The following TAF2 variants were observed in gnomAD, a reference collection of about 807,000 sequenced individuals.
TAF2 encodes the protein transcription initiation factor TFIID subunit 2.
TAF2 carries 61 observed loss-of-function variants against 138.5 expected under a neutral mutation model. The observed-to-expected ratio is 0.44, with a 90% CI of 0.36 to 0.54. The LOEUF is 0.54. TAF2 is among the 20% of genes least tolerant of loss of function. The pLI is 0.00. For synonymous variants in TAF2, 475 were observed against 469.9 expected (o/e 1.01, Z -0.14); for missense variants, 1,090 against 1,427.9 (o/e 0.76, Z 3.81).
chr8:119,752,991 T>C (rs1343131852), intron 22 of TAF2, among the ~76,000 whole-genome samples: 2 of 152,208 alleles, frequency 1.3e-5, no homozygotes, highest in Non-Finnish European at 2.9e-5. Context: ...TAAATGATGC[T>C]CTAGCTCCTT....
chr8:119,756,768 A>G (rs1428328904), intron 21 of TAF2, among the ~76,000 whole-genome samples: 2 of 152,210 alleles, frequency 1.3e-5, no homozygotes, highest in Non-Finnish European at 2.9e-5. Flanking sequence ...CTACCTGAAC[A>G]TATTATGGAG....
chr8:119,759,306 T>C (rs1218241213), intron 20 of TAF2, among the ~76,000 whole-genome samples: 1 of 152,102 alleles, frequency 6.6e-6, no homozygotes, highest in Non-Finnish European at 1.5e-5. Flanking sequence ...CATTATGCTG[T>C]TATTACCCTT....
At chr8:119,760,338 A>C (rs1275890287) in intron 20 of TAF2, 1 of 345,740 alleles carries the variant, frequency 2.9e-6, no homozygotes, top group Non-Finnish European at 5.3e-6. Flanking sequence ...CTATTTCCTA[A>C]AATAACGTCC....
rs1159985470 is a variant in TAF2, at chr8:119,831,214, G to A, written c.138+463C>T. Among the ~76,000 whole-genome samples, 5 of 152,188 alleles carry A rather than the reference G, an allele frequency of 3.3e-5. No homozygotes were observed. The East Asian group carries it at 9.6e-4, about 29-fold the overall frequency. Reference sequence around the variant, plus strand: ...TTGTGTCGGGAGGCAGGGGGAGGTAGAGGGTTTCTAGATCTCAAATACTCT... The same window carrying A: ...TTGTGTCGGGAGGCAGGGGGAGGTAAAGGGTTTCTAGATCTCAAATACTCT... On this transcript the variant is annotated intron_variant, in intron 2 of 25. Transcript: ENST00000378164.
intron 3 of TAF2, among the ~76,000 whole-genome samples, chr8:119,812,899 G>A (rs1407317672): frequency 6.6e-6 from 1 of 152,146 alleles, no homozygotes; most frequent in East Asian, 1.9e-4. Flanking sequence ...GAATTGTGCT[G>A]CAATAAACAT....
chr8:119,773,443 CCT>C (rs1325802724), intron 18 of TAF2, among the ~76,000 whole-genome samples: 6 of 151,502 alleles, frequency 4.0e-5, no homozygotes, highest in African/African-American at 1.4e-4. Context: ...TCCCCACCAT[CCT>C]CTCTCAGATT....
chr8:119,745,265 T>A (rs1224482924), intron 23 of TAF2, among the ~76,000 whole-genome samples: 1 of 152,152 alleles, frequency 6.6e-6, no homozygotes, highest in Non-Finnish European at 1.5e-5. Flanking sequence ...AACATGTCCT[T>A]TGATGCCATT....
chr8:119,751,432 C>T (rs1211183702), intron 22 of TAF2, among the ~76,000 whole-genome samples: 2 of 152,156 alleles, frequency 1.3e-5, no homozygotes, highest in Non-Finnish European at 2.9e-5. Context: ...AATTCTACTA[C>T]CTAAAAATGT....
intron 22 of TAF2, among the ~76,000 whole-genome samples, chr8:119,750,480 TAC>T (rs761257824): frequency 2.6e-5 from 4 of 152,254 alleles, no homozygotes; most frequent in Non-Finnish European, 5.9e-5. Flanking sequence ...TAGAAATTTG[TAC>T]ACAGTTAAGC....
Position 119,832,603 on chromosome 8 carries a change from G to T in TAF2, c.-39C>A, listed in dbSNP as rs751221182. On this transcript the variant is annotated 5_prime_UTR_variant, in exon 1 of 26. Coordinates refer to ENST00000378164, the MANE Select transcript of TAF2 (RefSeq NM_003184.4). ...GGAGCTTGGCTTCCCGGCTTCCTAGGGGGATACGGGGCATTACTAGTCTTT... is the reference window on the plus strand; with the variant it reads ...GGAGCTTGGCTTCCCGGCTTCCTAGTGGGATACGGGGCATTACTAGTCTTT... The T allele has an allele frequency of 1.3e-6, 2 of 1,585,960 alleles. No individual in the cohort carries two copies. The highest frequency in any genetic ancestry group is 1.7e-5 in the Admixed American group (1 of 59,874).
At chr8:119,762,192 T>C (rs1461497129) in intron 19 of TAF2, among the ~76,000 whole-genome samples, 5 of 152,280 alleles carry the variant, frequency 3.3e-5, no homozygotes, top group Middle Eastern at 3.4e-3. Flanking sequence ...AAACTACATA[T>C]ACAGTATAAT....
intron 18 of TAF2, among the ~76,000 whole-genome samples, chr8:119,776,294 T>C (rs1410728200): frequency 6.6e-6 from 1 of 151,790 alleles, no homozygotes; most frequent in Admixed American, 6.6e-5. Flanking sequence ...AAAGAGGCAA[T>C]GTTGTTTTCT....
intron 6 of TAF2, among the ~76,000 whole-genome samples, chr8:119,798,421 A>G (rs1823988183): frequency 6.6e-6 from 1 of 152,192 alleles, no homozygotes. Flanking sequence ...TTGGTCACAC[A>G]AATATCATAT....
chr8:119,819,604 A>G, intron 2 of TAF2, 98 bp from the exon 3 acceptor site: 2 of 992,788 alleles, frequency 2.0e-6, no homozygotes, highest in Non-Finnish European at 3.1e-6. Context: ...TATACTACAG[A>G]GACAAAATCC....
At chr8:119,828,993 G>A (rs61505628) in intron 2 of TAF2, among the ~76,000 whole-genome samples, 1 of 152,188 alleles carries the variant, frequency 6.6e-6, no homozygotes. Flanking sequence ...AAAACAAGTA[G>A]TCAGCCATTA....
Position 119,742,685 on chromosome 8 carries a change from G to A in TAF2, c.3215-29C>T, listed in dbSNP as rs1282455873. On this transcript the variant is annotated intron_variant, in intron 24 of 25. Transcript: ENST00000378164. ...AAATGCCAAACAAGAGAAAAAAGAGGGATTTATTTCTTTGTTTCCCAAAAG... is the reference window on the plus strand; with the variant it reads ...AAATGCCAAACAAGAGAAAAAAGAGAGATTTATTTCTTTGTTTCCCAAAAG... 5 of 1,611,598 alleles carry A rather than the reference G, an allele frequency of 3.1e-6. No homozygotes were observed. The African/African-American group carries it at 6.7e-5, about 22-fold the overall frequency.
chr8:119,791,235 T>A lies in TAF2; in HGVS notation c.1413+89A>T, dbSNP rs921543157. On this transcript the variant is annotated intron_variant, in intron 11 of 25. Coordinates refer to ENST00000378164, the MANE Select transcript of TAF2 (RefSeq NM_003184.4). ...GCAAACAAAACTATAAATCCAGATG[T>A]CCTGACTCCTATTCTACAGAAACAT... The A allele has an allele frequency of 1.2e-5, 18 of 1,486,064 alleles. No individual in the cohort carries two copies. In the African/African-American group the frequency reaches 2.5e-4, roughly 21 times the overall value. The allele number at this position is 1,486,064 out of a possible 1,614,324, so 92.1% of individuals were successfully genotyped here.
chr8:119,762,660 A>C, intron 18 of TAF2, 52 bp from the exon 19 acceptor site: 1 of 1,463,424 alleles, frequency 6.8e-7, no homozygotes, highest in East Asian at 2.4e-5. Flanking sequence ...CTTCTGATCA[A>C]AATTAACAAA....
chr8:119,766,510 C>T (rs912154567), intron 18 of TAF2, among the ~76,000 whole-genome samples: 10 of 152,142 alleles, frequency 6.6e-5, no homozygotes, highest in African/African-American at 2.4e-4. Context: ...TTACCAGTGA[C>T]GACTTATGGT....
Sources: allele counts gnomAD v4.1 joint callset (sites outside exome capture counted in the v4.1 genomes callset), GRCh38; gene constraint gnomAD v4.1.1; transcripts MANE v1.5; gene names NCBI Gene and HGNC (gene_info 2026-07-23, HGNC 2026-07-21).